RMND5A: variants seen among roughly 807,000 people sequenced by gnomAD.
RMND5A encodes the protein required for meiotic nuclear division 5 homolog A, also known as E3 ubiquitin-protein transferase RMND5A.
A neutral mutation model predicts 49.7 loss-of-function variants in RMND5A; 17 were observed. The ratio of observed to expected loss-of-function variants is 0.34; its 90% CI spans 0.23 to 0.51. The LOEUF (loss-of-function observed/expected upper bound fraction) is 0.51. RMND5A is among the 20% of genes least tolerant of loss of function. RMND5A has a pLI of 0.96. For synonymous variants in RMND5A, 156 were observed against 167.7 expected (o/e 0.93, Z 0.54); for missense variants, 255 against 471.3 (o/e 0.54, Z 4.25).
In RMND5A at chr2:86,765,178, C is replaced by T; in HGVS notation, c.673C>T (p.Leu225=). 1.2e-6 allele frequency: 2 copies of T among 1,609,694 alleles called. No homozygotes were observed. The highest frequency in any genetic ancestry group is 1.7e-6 in the Non-Finnish European group (2 of 1,179,016). The change falls in exon 5 of 9, where the codon CTA becomes TTA. Residue 225 remains leucine, a synonymous_variant. Transcript: ENST00000283632. Reference sequence around the variant, plus strand: ...TGCTAAAAATTTTCAGCCATTTGCCCTAAATCATCAAAAAGGTGAGTCTAG... The same window carrying T: ...TGCTAAAAATTTTCAGCCATTTGCCTTAAATCATCAAAAAGGTGAGTCTAG... ...QYAKNFQPFA[L]NHQKDIQVLM... is the part of the protein sequence containing the mutation.
In RMND5A at chr2:86,736,421, C is replaced by T. The variant is rs1174277911; in HGVS notation, c.143-4506C>T. Among the ~76,000 whole-genome samples, 3 of 104,636 alleles carry T rather than the reference C, an allele frequency of 2.9e-5. 1 individual carries two copies. The highest frequency in any genetic ancestry group is 9.4e-5 in the African/African-American group (3 of 32,042). 68.6% of individuals were successfully genotyped at this position (104,636 alleles called of 152,430 possible). A position where few individuals can be genotyped will look rare whatever the true frequency, so the allele number is the denominator to read the frequency against. ...TTAGTCTCAAACTCCTGGGCTCAAGCAATCCACCCACCTCGGGCTCCCAAA... is the reference window on the plus strand; with the variant it reads ...TTAGTCTCAAACTCCTGGGCTCAAGTAATCCACCCACCTCGGGCTCCCAAA... On this transcript the variant is annotated intron_variant, in intron 1 of 8. Coordinates refer to ENST00000283632, the MANE Select transcript of RMND5A (RefSeq NM_022780.4).
intron 8 of RMND5A, among the ~76,000 whole-genome samples, chr2:86,772,304 A>G (rs1382291020): frequency 3.9e-5 from 6 of 151,928 alleles, no homozygotes; most frequent in Admixed American, 3.9e-4. Context: ...AAAAACAAAA[A>G]ATTAGCCGGG....
intron 1 of RMND5A, among the ~76,000 whole-genome samples, chr2:86,723,408 AAT>A: frequency 5.6e-5 from 1 of 17,958 alleles, no homozygotes; most frequent in Middle Eastern, 0.013. Context: ...TGGGCTTCTG[AAT>A]ATACCTGTCT....
chr2:86,762,664 TTA>T (rs1411378631), intron 4 of RMND5A, among the ~76,000 whole-genome samples: 7 of 136,296 alleles, frequency 5.1e-5, no homozygotes, highest in Admixed American at 3.1e-4. Context: ...AAATATTTTT[TTA>T]TATATATATA....
At chr2:86,764,984 CT>C (rs1672566144) in intron 4 of RMND5A, 42 bp from the exon 5 acceptor site, 1 of 1,558,658 alleles carries the variant, frequency 6.4e-7, no homozygotes, top group Non-Finnish European at 8.7e-7. Context: ...AGACACCTTG[CT>C]TATGCTTTTG....
At chr2:86,724,997 T>C (rs1434727406) in intron 1 of RMND5A, among the ~76,000 whole-genome samples, 1 of 21,770 alleles carries the variant, frequency 4.6e-5, no homozygotes, top group Non-Finnish European at 9.6e-5. Flanking sequence ...TCTGCACTCA[T>C]ACTTTGTGAA....
chr2:86,765,162 T>A lies in RMND5A; in HGVS notation c.657T>A (p.Asn219Lys), dbSNP rs1197317910. The change falls in exon 5 of 9, where the codon AAT becomes AAA. Residue 219 changes from asparagine (N) to lysine (K), a missense_variant. By Grantham distance (94) the Asn-to-Lys change is moderately conservative. Around this residue, in one of 3 missense-constraint regions of RMND5A, gnomAD observed 208 missense variants for 339.8 expected, o/e 0.61. Coordinates refer to ENST00000283632, the MANE Select transcript of RMND5A (RefSeq NM_022780.4). ...GAGAGGCATTACAATATGCTAAAAA[T>A]TTTCAGCCATTTGCCCTAAATCATC... Reference protein sequence around the residue: ...NQREALQYAKNFQPFALNHQK... With the variant: ...NQREALQYAKKFQPFALNHQK... The A allele has an allele frequency of 6.2e-7, 1 of 1,612,780 alleles. No individual in the cohort carries two copies. The highest frequency in any genetic ancestry group is 8.5e-7 in the Non-Finnish European group (1 of 1,179,690).
At chr2:86,743,901 C>T (rs1681492093) in intron 2 of RMND5A, among the ~76,000 whole-genome samples, 1 of 151,010 alleles carries the variant, frequency 6.6e-6, no homozygotes, top group Non-Finnish European at 1.5e-5. Context: ...TCGCTTGAAC[C>T]TGGGAGGCGG....
chr2:86,743,791 G>T (rs1315340554), intron 2 of RMND5A, among the ~76,000 whole-genome samples: 1 of 151,940 alleles, frequency 6.6e-6, no homozygotes, highest in Admixed American at 6.6e-5. Flanking sequence ...TTCGAGACTA[G>T]CTTGGCCAAT....
intron 6 of RMND5A, among the ~76,000 whole-genome samples, chr2:86,766,450 G>C (rs1443395169): frequency 6.6e-6 from 1 of 152,074 alleles, no homozygotes; most frequent in Non-Finnish European, 1.5e-5. Flanking sequence ...TGGATCACGA[G>C]ATCAGGAGTT....
intron 2 of RMND5A, among the ~76,000 whole-genome samples, chr2:86,741,291 C>T (rs1681444733): frequency 6.6e-6 from 1 of 150,814 alleles, no homozygotes; most frequent in African/African-American, 2.4e-5. Flanking sequence ...GCTTTTATAG[C>T]TTTGTTGTTT....
intron 6 of RMND5A, among the ~76,000 whole-genome samples, chr2:86,766,701 T>C (rs1008562564): frequency 1.3e-5 from 2 of 149,764 alleles, no homozygotes; most frequent in Admixed American, 1.3e-4. Context: ...AAAAAGAATA[T>C]TCTTGGCCTG....
At chr2:86,765,364 C>A in intron 5 of RMND5A, 171 bp downstream of exon 5, 1 of 537,732 alleles carries the variant, frequency 1.9e-6, no homozygotes, top group Non-Finnish European at 3.2e-6. Context: ...AATATTAAAG[C>A]CTCTTAGAAG....
chr2:86,766,779 A>G (rs552426513), intron 6 of RMND5A, among the ~76,000 whole-genome samples: 2 of 152,096 alleles, frequency 1.3e-5, no homozygotes, highest in Non-Finnish European at 2.9e-5. Flanking sequence ...TCTTGAGGCC[A>G]GGAATTCAAG....
intron 3 of RMND5A, 43 bp downstream of exon 3, chr2:86,752,073 G>C (rs554050534): frequency 4.2e-5 from 68 of 1,600,400 alleles, no homozygotes; most frequent in Non-Finnish European, 5.6e-5. Flanking sequence ...AGAAACAAGG[G>C]AACTCCTTGG....
At chr2:86,759,462 TCTTA>T (rs974769891) in intron 4 of RMND5A, among the ~76,000 whole-genome samples, 38 of 152,286 alleles carry the variant, frequency 2.5e-4, no homozygotes, top group African/African-American at 8.7e-4. Context: ...ACACTGTTGA[TCTTA>T]CTGTCATTTT....
intron 2 of RMND5A, among the ~76,000 whole-genome samples, chr2:86,743,286 C>G (rs1681481701): frequency 6.6e-6 from 1 of 151,484 alleles, no homozygotes; most frequent in Non-Finnish European, 1.5e-5. Flanking sequence ...TACATTCTGG[C>G]TTATTTGGGC....
intron 2 of RMND5A, among the ~76,000 whole-genome samples, chr2:86,747,813 C>T (rs1009535967): frequency 2.6e-5 from 4 of 152,082 alleles, no homozygotes; most frequent in Admixed American, 6.5e-5. Flanking sequence ...CGGCATGATA[C>T]GGCCTGTTTA....
intron 4 of RMND5A, among the ~76,000 whole-genome samples, chr2:86,754,537 C>G (rs1238911892): frequency 6.6e-6 from 1 of 152,062 alleles, no homozygotes; most frequent in African/African-American, 2.4e-5. Flanking sequence ...TTTAATTCTT[C>G]ATAGCTTAGT....
Sources: allele counts gnomAD v4.1 joint callset (sites outside exome capture counted in the v4.1 genomes callset), GRCh38; gene constraint gnomAD v4.1.1; regional missense constraint gnomAD v4.1.1; transcripts MANE v1.5; gene names NCBI Gene and HGNC (gene_info 2026-07-23, HGNC 2026-07-21).